The following NUP210 variants were observed in gnomAD, a reference collection of about 807,000 sequenced individuals.
NUP210 encodes nucleoporin 210.
Under a neutral mutation model 196.0 loss-of-function variants are expected in NUP210, and 151 were observed. The observed-to-expected ratio is 0.77, with a 90% CI of 0.67 to 0.88. The LOEUF (loss-of-function observed/expected upper bound fraction) is 0.88, where lower values mean the gene tolerates loss of function less well. NUP210 is among the 40% of genes least tolerant of loss of function. The probability of loss-of-function intolerance (pLI) is 0.00; values close to 1 mark genes in which losing one functional copy is unlikely to be tolerated. For synonymous variants in NUP210, 1,070 were observed against 1,052.7 expected, an observed-to-expected ratio of 1.02 and a Z score of -0.32; for missense variants, 2,314 against 2,493.7, an observed-to-expected ratio of 0.93 and a Z score of 1.53.
In NUP210 at chr3:13,379,013, C is replaced by T; in HGVS notation, c.977-33G>A. The T allele has an allele frequency of 6.3e-7, 1 of 1,584,744 alleles. No individual in the cohort carries two copies. The highest frequency in any genetic ancestry group is 8.7e-7 in the Non-Finnish European group (1 of 1,153,340). ...TTGAATTAAGGGGCAAGACATATGA[C>T]AGCAAATAAACCAGCTGGCTGGCCA... On this transcript the variant is annotated intron_variant, in intron 7 of 39. Transcript: ENST00000254508. This position sits in a 1 kb window ranked among gnomAD's most constrained non-coding sequence, Gnocchi z 4.2.
intron 20 of NUP210, 36 bp from the exon 21 acceptor site, chr3:13,343,339 T>TGGGGGGGTGGGGGGGG: frequency 3.5e-6 from 1 of 282,522 alleles, no homozygotes; most frequent in Non-Finnish European, 6.1e-6. Flanking sequence ...GGGTGGGTGG[T>TGGGGGGGTGGGGGGGG]GGGTTACGCA....
At chr3:13,332,151 G>GGT in intron 29 of NUP210, 142 bp downstream of exon 29, 2 of 657,034 alleles carry the variant, frequency 3.0e-6, no homozygotes, top group Non-Finnish European at 5.6e-6. Context: ...AGAAGGAGCA[G>GGT]GCAGAGGCCT....
chr3:13,353,137 C>G (rs754367709), intron 18 of NUP210, among the ~76,000 whole-genome samples: 8 of 152,042 alleles, frequency 5.3e-5, no homozygotes, highest in Non-Finnish European at 1.2e-4. Flanking sequence ...GCTGCCCCCA[C>G]GGGACCCCAG....
Position 13,414,628 on chromosome 3 carries a change from C to G in NUP210, c.167+5432G>C, listed in dbSNP as rs116008354. On this transcript the variant is annotated intron_variant, in intron 1 of 39. Coordinates refer to ENST00000254508, the MANE Select transcript of NUP210 (RefSeq NM_024923.4). ...TCCCAGCCCTGCTGCCCTGGCCAAA[C>G]GTGCTGCCTTTGCGCACTTCTGACA... is the stretch of plus-strand genomic sequence containing the variant. 5.3e-5 allele frequency among the ~76,000 whole-genome samples: 8 copies of G among 151,904 alleles called. No individual in the cohort carries two copies. In the South Asian group the frequency reaches 1.0e-3, roughly 20 times the overall value.
intron 20 of NUP210, among the ~76,000 whole-genome samples, chr3:13,345,429 G>A (rs779140796): frequency 2.0e-5 from 3 of 152,212 alleles, no homozygotes; most frequent in Non-Finnish European, 4.4e-5. Context: ...CTTCCCAGGA[G>A]AATGGGGCTG....
At position 13,327,328 on chromosome 3, in the gene NUP210, G is replaced by C. The variant is rs145532552; in HGVS notation, c.4396C>G (p.Leu1466Val). The C allele has an allele frequency of 9.0e-5, 146 of 1,613,428 alleles. No homozygotes were observed. In the African/African-American group the frequency reaches 1.9e-3, roughly 20 times the overall value. ...LRVWDAEHPG[L>V]SDFMPLPVLQ... Reference sequence around the variant, plus strand: ...ACAGGCAGGGGCATGAAGTCCGAGAGGCCCGGGTGCTCTGCGTCCCACACA... The same window carrying C: ...ACAGGCAGGGGCATGAAGTCCGAGACGCCCGGGTGCTCTGCGTCCCACACA... Residue 1466 changes from leucine to valine, a missense_variant, in exon 32 of 40, where the codon CTC (leucine) becomes GTC (valine). Transcript: ENST00000254508.
chr3:13,366,036 G>A lies in NUP210; in HGVS notation c.1842C>T (p.Ala614=). ...HCSGIRVKAE[A]QGSTTLLVSY... is the part of the protein sequence containing the mutation. ...TCACAAGAAGCGTGGTAGAGCCCTG[G>A]GCCTCGGCCTTTACCCGGATGCCGC... Residue 614 remains alanine (A), a synonymous_variant, in exon 14 of 40, where the codon GCC becomes GCT. Transcript: ENST00000254508. 1.2e-6 allele frequency: 2 copies of A among 1,614,180 alleles called. No individual in the cohort carries two copies. Among genetic ancestry groups the A allele is most frequent in the Non-Finnish European group, 1.7e-6 (2 of 1,180,006 alleles).
chr3:13,332,211 C>A lies in NUP210; in HGVS notation c.3935+82G>T, dbSNP rs371387673. On this transcript the variant is annotated intron_variant, in intron 29 of 39. Transcript: ENST00000254508. ...AAAACCTCCCTGAAAGTACCCATGG[C>A]TCCTGACAGTGTTGACACATGAGGT... The A allele has an allele frequency of 2.3e-4, 260 of 1,132,290 alleles. 6 individuals carry two copies. The highest frequency in any genetic ancestry group is 2.1e-3 in the South Asian group (171 of 80,222). The allele number at this position is 1,132,290 out of a possible 1,614,324, so 70.1% of individuals were successfully genotyped here.
At position 13,353,874 on chromosome 3, in the gene NUP210, CTGTT is replaced by C. The variant is rs746351029; in HGVS notation, c.2521+37_2521+40del. The C allele has an allele frequency of 3.2e-5, 50 of 1,569,212 alleles. No individual in the cohort carries two copies. The South Asian group carries it at 5.7e-4, about 18-fold the overall frequency. On this transcript the variant is annotated intron_variant, in intron 17 of 39. Coordinates refer to ENST00000254508, the MANE Select transcript of NUP210 (RefSeq NM_024923.4). The stretch of plus-strand genomic sequence containing the variant: ...CCTTGGCAGGCTTCCTGTCTGGTCT[CTGTT>C]CTCCTGCCTGGGCCATCAGGCTTGT...
intron 23 of NUP210, 151 bp downstream of exon 23, chr3:13,341,597 C>G: frequency 2.2e-6 from 2 of 893,800 alleles, no homozygotes; most frequent in South Asian, 3.5e-5. Context: ...ATCCCTAGAG[C>G]TCGTAACAGC....
intron 11 of NUP210, among the ~76,000 whole-genome samples, chr3:13,375,231 C>A (rs1698860877): frequency 6.6e-6 from 1 of 150,554 alleles, no homozygotes; most frequent in Non-Finnish European, 1.5e-5. Context: ...TTAAGCAATC[C>A]TCTCACTTCA....
chr3:13,352,487 A>G (rs957527127), intron 18 of NUP210, among the ~76,000 whole-genome samples: 9 of 152,356 alleles, frequency 5.9e-5, no homozygotes, highest in Middle Eastern at 3.4e-3. Flanking sequence ...CCTGCCTTGC[A>G]GGACCTCACA....
At position 13,376,396 on chromosome 3, in the gene NUP210, G is replaced by C. The variant is rs758268642; in HGVS notation, c.1188C>G (p.Phe396Leu). 6.2e-7 allele frequency: 1 copy of C among 1,614,258 alleles called. No homozygotes were observed. The change falls in exon 10 of 40, where the codon TTC (phenylalanine) becomes TTG (leucine). Residue 396 changes from phenylalanine (F) to leucine (L), a missense_variant. By Grantham distance (22) the Phe-to-Leu change is conservative. Coordinates refer to ENST00000254508, the MANE Select transcript of NUP210 (RefSeq NM_024923.4). Reference sequence around the variant, plus strand: ...TCTGGGAGGACGAGAGCACCTCGAAGAACTCAGCAGGAAGCACAGTTTCAA... The same window carrying C: ...TCTGGGAGGACGAGAGCACCTCGAACAACTCAGCAGGAAGCACAGTTTCAA... Reference protein sequence around the residue: ...IRIETVLPAEFFEVLSSSQNG... With the variant: ...IRIETVLPAELFEVLSSSQNG...
At chr3:13,401,259 C>CAAAAAAAAAAAAAAAAA (rs71066952) in intron 1 of NUP210, among the ~76,000 whole-genome samples, 1,229 of 43,744 alleles carry the variant, frequency 0.028, 256 homozygotes, top group Non-Finnish European at 0.033. Context: ...GACTCTGGCT[C>CAAAAAAAAAAAAAAAAA]AAAAAAAAAA....
Position 13,378,907 on chromosome 3 carries a change from C to G in NUP210, c.1045+5G>C, listed in dbSNP as rs367851848. 4 of 1,611,068 alleles carry G rather than the reference C, an allele frequency of 2.5e-6. No individual in the cohort carries two copies. The African/African-American group carries it at 5.3e-5, about 22-fold the overall frequency. On this transcript the variant is annotated splice_donor_5th_base_variant and intron_variant, in intron 8 of 39. Coordinates refer to ENST00000254508, the MANE Select transcript of NUP210 (RefSeq NM_024923.4). ...TCCATGAGGGCCCAGGAGGCCCACA[C>G]TCACCTAGGTATCCAGGTTCGACCA...
chr3:13,352,885 C>T (rs1387579634), intron 18 of NUP210, among the ~76,000 whole-genome samples: 1 of 151,506 alleles, frequency 6.6e-6, no homozygotes, highest in African/African-American at 2.4e-5. Flanking sequence ...CAGGGGAACA[C>T]AGACTGCAAG....
chr3:13,391,149 C>T, intron 4 of NUP210, 62 bp downstream of exon 4: 1 of 1,198,544 alleles, frequency 8.3e-7, no homozygotes, highest in South Asian at 1.3e-5. Context: ...GTGAGGAGCT[C>T]ACAGGTGTCC....
At chr3:13,336,735 G>T in intron 27 of NUP210, 52 bp downstream of exon 27, 4 of 1,584,612 alleles carry the variant, frequency 2.5e-6, no homozygotes, top group Non-Finnish European at 3.4e-6. Flanking sequence ...CACTCGGGGT[G>T]CTGGCCTGGG....
At chr3:13,358,096 A>C in intron 16 of NUP210, 126 bp downstream of exon 16, 1 of 804,098 alleles carries the variant, frequency 1.2e-6, no homozygotes, top group Non-Finnish European at 1.9e-6. Flanking sequence ...CCAGTTGTTG[A>C]GACGAAGGAA....
Sources: allele counts gnomAD v4.1 joint callset (sites outside exome capture counted in the v4.1 genomes callset), GRCh38; gene constraint gnomAD v4.1.1; non-coding constraint Gnocchi (gnomAD v3.1); transcripts MANE v1.5; gene names NCBI Gene and HGNC (gene_info 2026-07-23, HGNC 2026-07-21).